The following BCAS3 variants were observed in gnomAD, a reference collection of about 807,000 sequenced individuals.
BCAS3 encodes BCAS4/BCAS3 fusion.
A neutral mutation model predicts 116.1 loss-of-function variants in BCAS3; 53 were observed. The observed-to-expected ratio is 0.46, with a 90% CI of 0.37 to 0.57. The LOEUF (loss-of-function observed/expected upper bound fraction) is 0.57, where lower values mean the gene tolerates loss of function less well. Ranked by LOEUF, BCAS3 falls within the 20% of genes least tolerant of loss-of-function variation. The probability of loss-of-function intolerance (pLI) is 0.00; values close to 1 mark genes in which losing one functional copy is unlikely to be tolerated. For missense variants in BCAS3, 917 were observed against 1,165.4 expected (o/e 0.79, Z 3.10); for synonymous variants, 391 against 408.2 (o/e 0.96, Z 0.51).
intron 5 of BCAS3, among the ~76,000 whole-genome samples, chr17:60,724,451 G>T (rs1163943487): frequency 6.7e-6 from 1 of 149,868 alleles, no homozygotes; most frequent in Non-Finnish European, 1.5e-5. Context: ...AAGGCCGGAT[G>T]CGGTGGCTCA....
chr17:60,881,056 G>T (rs1305885054), intron 9 of BCAS3, among the ~76,000 whole-genome samples: 1 of 152,030 alleles, frequency 6.6e-6, no homozygotes, highest in African/African-American at 2.4e-5. Context: ...CTCACTGCAA[G>T]CTCCGCCTCC....
chr17:61,045,885 TA>T lies in BCAS3; in HGVS notation c.2029+4994del, dbSNP rs1282696511. Among the ~76,000 whole-genome samples, 253 of 38,478 alleles carry T rather than the reference TA, an allele frequency of 6.6e-3. 5 individuals are homozygous for T. The highest frequency in any genetic ancestry group is 7.7e-3 in the Admixed American group (16 of 2,088). The allele number at this position is 38,478 out of a possible 152,430, so 25.2% of individuals were successfully genotyped here. ...TATATAAATATATATAAATATATAT[TA>T]TATATATAATATATATAAATATATA... On this transcript the variant is annotated intron_variant, in intron 19 of 23. Transcript: ENST00000407086.
At chr17:60,723,967 G>A (rs1190759394) in intron 5 of BCAS3, among the ~76,000 whole-genome samples, 2 of 151,164 alleles carry the variant, frequency 1.3e-5, no homozygotes, top group Non-Finnish European at 3.0e-5. Context: ...TGATCCACCT[G>A]CCTTGGCCTC....
At chr17:60,860,052 A>G (rs527891792) in intron 7 of BCAS3, among the ~76,000 whole-genome samples, 5 of 152,250 alleles carry the variant, frequency 3.3e-5, no homozygotes, top group African/African-American at 7.2e-5. Flanking sequence ...TGGTAATTCT[A>G]AGTTCTTTGA....
At chr17:61,312,304 A>G (rs1413930944) in intron 22 of BCAS3, among the ~76,000 whole-genome samples, 1 of 152,298 alleles carries the variant, frequency 6.6e-6, no homozygotes, top group East Asian at 1.9e-4. Flanking sequence ...GGAGGGTGTC[A>G]GCTCAGAGGG....
At chr17:61,169,260 C>G (rs2078699028) in intron 22 of BCAS3, among the ~76,000 whole-genome samples, 1 of 152,106 alleles carries the variant, frequency 6.6e-6, no homozygotes, top group Non-Finnish European at 1.5e-5. Context: ...TTAATATATT[C>G]CACTTGAAAC....
Position 61,241,429 on chromosome 17 carries a change from T to C in BCAS3, c.2426-126898T>C, listed in dbSNP as rs1328123450. On this transcript the variant is annotated intron_variant, in intron 22 of 23. Coordinates refer to ENST00000407086, the MANE Select transcript of BCAS3 (RefSeq NM_017679.5). This position sits in a 1 kb window ranked among gnomAD's most constrained non-coding sequence, Gnocchi z 4.6. Reference sequence around the variant, plus strand: ...AAATAAGCTTAATAAAATAATAGTTTGGGCCTGCGCAGTGGCTCACCCCTG... The same window carrying C: ...AAATAAGCTTAATAAAATAATAGTTCGGGCCTGCGCAGTGGCTCACCCCTG... Among the ~76,000 whole-genome samples the C allele has an allele frequency of 6.6e-6, 1 of 151,858 alleles. No individual in the cohort carries two copies. The highest frequency in any genetic ancestry group is 6.6e-5 in the Admixed American group (1 of 15,200).
At chr17:61,336,055 C>T (rs919409263) in intron 22 of BCAS3, among the ~76,000 whole-genome samples, 7 of 152,262 alleles carry the variant, frequency 4.6e-5, no homozygotes, top group South Asian at 2.1e-4. Flanking sequence ...GCTTTCCTTT[C>T]GCGCCTCCAG....
chr17:60,974,981 TGTTTTTTTTGCTTTTTTG>T (rs1270387327), intron 14 of BCAS3, among the ~76,000 whole-genome samples: 5 of 140,558 alleles, frequency 3.6e-5, no homozygotes, highest in African/African-American at 1.6e-4. Context: ...TTGTTTTTTT[TGTTTTTTTTGCTTTTTTG>T]TTTTTTTTTT....
Position 60,902,644 on chromosome 17 carries a change from G to C in BCAS3, c.763G>C (p.Gly255Arg), listed in dbSNP as rs139472840. 6.2e-7 allele frequency: 1 copy of C among 1,612,614 alleles called. No homozygotes were observed. The highest frequency in any genetic ancestry group is 2.2e-5 in the East Asian group (1 of 44,860). The change falls in exon 11 of 24, where the codon GGT (glycine) becomes CGT (arginine). Residue 255 changes from glycine to arginine, a missense_variant. By Grantham distance (125) the Gly-to-Arg change is moderately radical. Around this residue, in one of 3 missense-constraint regions of BCAS3, gnomAD observed 807 missense variants for 1,026.0 expected, o/e 0.79. Coordinates refer to ENST00000407086, the MANE Select transcript of BCAS3 (RefSeq NM_017679.5). ...NKLIRCHQSR[G>R]GACGDNIQSY... ...GTTGATTCGATGTCATCAGTCCCGT[G>C]GTGGAGCCTGTGGAGACAACATTCA...
In BCAS3 at chr17:61,041,794, CTG is replaced by C. The variant is rs1190049879; in HGVS notation, c.2029+904_2029+905del. 1.3e-5 allele frequency among the ~76,000 whole-genome samples: 2 copies of C among 151,958 alleles called. No individual in the cohort carries two copies. Among genetic ancestry groups the C allele is most frequent in the African/African-American group, 4.8e-5 (2 of 41,394 alleles). On this transcript the variant is annotated intron_variant, in intron 19 of 23. Transcript: ENST00000407086. The surrounding 1 kb of genome is among the most constrained non-coding windows in gnomAD (Gnocchi z 4.7). ...GCTCTCAAGTTATGAAACTCTATAA[CTG>C]TAATCAATAGTTGGCAGTCTTGCTC...
At chr17:60,855,452 A>ATTTTTTTT (rs565603643) in intron 7 of BCAS3, among the ~76,000 whole-genome samples, 8 of 125,758 alleles carry the variant, frequency 6.4e-5, no homozygotes, top group African/African-American at 1.8e-4. Flanking sequence ...CTATTTTTAA[A>ATTTTTTTT]TTTTTTTTTT....
rs1397269165 is a variant in BCAS3 at position 61,363,967 on chromosome 17, C to T, written c.2426-4360C>T. Among the ~76,000 whole-genome samples the T allele has an allele frequency of 1.3e-5, 2 of 152,208 alleles. No individual in the cohort carries two copies. Among genetic ancestry groups the T allele is most frequent in the Non-Finnish European group, 2.9e-5 (2 of 68,030 alleles). ...TCACCCCAGTGCCTGCTGAAACACA[C>T]CTGCAGCCTTGCTCTCACTCTGGGA... On this transcript the variant is annotated intron_variant, in intron 22 of 23. Coordinates refer to ENST00000407086, the MANE Select transcript of BCAS3 (RefSeq NM_017679.5). This position sits in a 1 kb window ranked among gnomAD's most constrained non-coding sequence, Gnocchi z 4.9.
chr17:60,761,320 G>A (rs1269600737), intron 6 of BCAS3, among the ~76,000 whole-genome samples: 3 of 151,946 alleles, frequency 2.0e-5, no homozygotes, highest in African/African-American at 4.8e-5. Context: ...CCATTAACTC[G>A]TCATTGACAT....
Position 61,196,327 on chromosome 17 carries a change from T to C in BCAS3, c.2425+111763T>C, listed in dbSNP as rs1326385079. On this transcript the variant is annotated intron_variant, in intron 22 of 23. Transcript: ENST00000407086. This position sits in a 1 kb window ranked among gnomAD's most constrained non-coding sequence, Gnocchi z 4.7. Reference sequence around the variant, plus strand: ...CACTGTGCATCCATTGTCTGAACTGTCACAGCAATAGCGCGTAAAGCTGTT... The same window carrying C: ...CACTGTGCATCCATTGTCTGAACTGCCACAGCAATAGCGCGTAAAGCTGTT... Among the ~76,000 whole-genome samples, 2 of 152,250 alleles carry C rather than the reference T, an allele frequency of 1.3e-5. No individual in the cohort carries two copies. Among genetic ancestry groups the C allele is most frequent in the Admixed American group, 6.5e-5 (1 of 15,290 alleles).
chr17:61,008,041 GACAC>G lies in BCAS3; in HGVS notation c.1487-7690_1487-7687del, dbSNP rs149531395. Among the ~76,000 whole-genome samples the G allele has an allele frequency of 2.3e-4, 34 of 149,302 alleles. No individual in the cohort carries two copies. Among genetic ancestry groups the G allele is most frequent in the South Asian group, 4.2e-4 (2 of 4,706 alleles). ...CTTTAAAAATGTGTGTCTGTGTGTC[GACAC>G]ACACACACACACACACACATAAAAT... On this transcript the variant is annotated intron_variant, in intron 15 of 23. Transcript: ENST00000407086. The surrounding 1 kb of genome is among the most constrained non-coding windows in gnomAD (Gnocchi z 4.6).
intron 22 of BCAS3, among the ~76,000 whole-genome samples, chr17:61,360,147 A>G (rs558057293): frequency 1.3e-5 from 2 of 151,860 alleles, no homozygotes; most frequent in African/African-American, 2.4e-5. Context: ...GGGACTACAG[A>G]TGCACGCCAC....
At chr17:61,024,548 C>CT (rs1184922151) in intron 16 of BCAS3, among the ~76,000 whole-genome samples, 1 of 151,830 alleles carries the variant, frequency 6.6e-6, no homozygotes, top group Admixed American at 6.6e-5. Flanking sequence ...ACTACAGTGT[C>CT]TGAGTTTTAC....
Position 61,365,616 on chromosome 17 carries a change from G to A in BCAS3, c.2426-2711G>A, listed in dbSNP as rs1279114967. The stretch of plus-strand genomic sequence containing the variant: ...CCCAAAGTGCTGGGATTACAGGCGT[G>A]AGCCACCGTGCCTGGCCCAATTTCT... On this transcript the variant is annotated intron_variant, in intron 22 of 23. Transcript: ENST00000407086. The surrounding 1 kb of genome is among the most constrained non-coding windows in gnomAD (Gnocchi z 4.6). Among the ~76,000 whole-genome samples, 1 of 152,058 alleles carries A rather than the reference G, an allele frequency of 6.6e-6. No homozygotes were observed. Among genetic ancestry groups the A allele is most frequent in the Non-Finnish European group, 1.5e-5 (1 of 68,020 alleles).
Sources: allele counts gnomAD v4.1 joint callset (sites outside exome capture counted in the v4.1 genomes callset), GRCh38; gene constraint gnomAD v4.1.1; regional missense constraint gnomAD v4.1.1; non-coding constraint Gnocchi (gnomAD v3.1); transcripts MANE v1.5; gene names NCBI Gene and HGNC (gene_info 2026-07-23, HGNC 2026-07-21).